The following CTNNA2 variants were observed in gnomAD, a reference collection of about 807,000 sequenced individuals.
CTNNA2 encodes the protein catenin alpha 2.
A neutral mutation model predicts 101.0 loss-of-function variants in CTNNA2; 42 were observed. That is an observed-to-expected ratio of 0.42 (90% CI 0.32 to 0.54). CTNNA2 has a LOEUF of 0.54. CTNNA2 is among the 20% of genes least tolerant of loss of function. The pLI is 0.14. For synonymous variants in CTNNA2, 450 were observed against 456.4 expected, an observed-to-expected ratio of 0.99 and a Z score of 0.18; for missense variants, 871 against 1,223.1, an observed-to-expected ratio of 0.71 and a Z score of 4.29.
At chr2:79,482,551 A>AT (rs1027853680) in intron 4 of CTNNA2, among the ~76,000 whole-genome samples, 9 of 151,032 alleles carry the variant, frequency 6.0e-5, no homozygotes, top group South Asian at 2.1e-4. Flanking sequence ...CTCAGGTTAA[A>AT]TTTTTTTTTT....
At chr2:80,587,823 A>G (rs796321498) in intron 14 of CTNNA2, among the ~76,000 whole-genome samples, 18 of 152,332 alleles carry the variant, frequency 1.2e-4, no homozygotes, top group African/African-American at 4.3e-4. Flanking sequence ...GGAAGTACCT[A>G]TTCACATTCC....
chr2:79,493,488 T>C (rs1183073025), intron 4 of CTNNA2, among the ~76,000 whole-genome samples: 1 of 152,082 alleles, frequency 6.6e-6, no homozygotes, highest in Admixed American at 6.6e-5. Flanking sequence ...TGGTGGCACA[T>C]GCCTGTAGTC....
chr2:80,022,899 G>T (rs888894454), intron 7 of CTNNA2, among the ~76,000 whole-genome samples: 2 of 152,166 alleles, frequency 1.3e-5, no homozygotes, highest in Non-Finnish European at 2.9e-5. Flanking sequence ...CCATCATTCA[G>T]ATCTGGGGTC....
At chr2:79,563,940 T>C (rs1474368926) in intron 1 of CTNNA2, among the ~76,000 whole-genome samples, 2 of 152,190 alleles carry the variant, frequency 1.3e-5, no homozygotes, top group African/African-American at 4.8e-5. Flanking sequence ...TGGTCATTGC[T>C]CTTTTCCATC....
In CTNNA2 at chr2:79,943,050, C is replaced by T. The variant is rs1688265991; in HGVS notation, c.1056+33253C>T. On this transcript the variant is annotated intron_variant, in intron 7 of 18. Transcript: ENST00000402739. ...TGGCCAATGTGTTGAAACCCCATCTCTGCTAAAAATAAAAAAATTAGCTGG... is the reference window on the plus strand; with the variant it reads ...TGGCCAATGTGTTGAAACCCCATCTTTGCTAAAAATAAAAAAATTAGCTGG... Among the ~76,000 whole-genome samples, 2 of 151,886 alleles carry T rather than the reference C, an allele frequency of 1.3e-5. 1 individual carries two copies. Among genetic ancestry groups the T allele is most frequent in the South Asian group, 4.1e-4 (2 of 4,820 alleles).
intron 7 of CTNNA2, among the ~76,000 whole-genome samples, chr2:80,188,914 C>T (rs1416113667): frequency 1.3e-5 from 2 of 149,688 alleles, no homozygotes; most frequent in East Asian, 3.9e-4. Context: ...CAAACTCTTT[C>T]CAACCTACTG....
At chr2:80,646,018 A>T (rs934769928) in intron 18 of CTNNA2, among the ~76,000 whole-genome samples, 2 of 152,188 alleles carry the variant, frequency 1.3e-5, no homozygotes, top group African/African-American at 4.8e-5. Flanking sequence ...AATAAGGGAT[A>T]TGGAACAAAA....
intron 9 of CTNNA2, among the ~76,000 whole-genome samples, chr2:80,495,981 A>G (rs1245239001): frequency 1.4e-5 from 2 of 147,940 alleles, no homozygotes; most frequent in African/African-American, 4.9e-5. Context: ...GGCCATTTGA[A>G]GACAGAGACA....
intron 4 of CTNNA2, among the ~76,000 whole-genome samples, chr2:79,425,458 A>G (rs1189380934): frequency 6.6e-6 from 1 of 152,168 alleles, no homozygotes; most frequent in Non-Finnish European, 1.5e-5. Flanking sequence ...GTCCAAGATT[A>G]TAGTACTGTC....
intron 3 of CTNNA2, among the ~76,000 whole-genome samples, chr2:79,338,578 A>ATTCTTCTTCTTCT (rs1677053514): frequency 8.5e-6 from 1 of 117,740 alleles, no homozygotes; most frequent in African/African-American, 3.3e-5. Flanking sequence ...CCTCCTCATC[A>ATTCTTCTTCTTCT]TCTTCTTCTT....
chr2:79,648,541 G>T (rs1004576268), intron 1 of CTNNA2, among the ~76,000 whole-genome samples: 4 of 152,128 alleles, frequency 2.6e-5, no homozygotes, highest in African/African-American at 9.7e-5. Context: ...CATGCAGGAT[G>T]GGAATACTTT....
At chr2:80,129,162 C>T (rs1354515202) in intron 7 of CTNNA2, among the ~76,000 whole-genome samples, 2 of 152,152 alleles carry the variant, frequency 1.3e-5, no homozygotes, top group African/African-American at 4.8e-5. Flanking sequence ...GACCATGATG[C>T]AAGCCTAACA....
At chr2:79,637,869 T>C (rs1473988481) in intron 1 of CTNNA2, among the ~76,000 whole-genome samples, 1 of 152,216 alleles carries the variant, frequency 6.6e-6, no homozygotes, top group Admixed American at 6.5e-5. Flanking sequence ...CAAGCTTTAG[T>C]TCTCTTATGG....
At chr2:79,282,518 T>A (rs1308270734) in intron 2 of CTNNA2, among the ~76,000 whole-genome samples, 1 of 151,772 alleles carries the variant, frequency 6.6e-6, no homozygotes, top group Non-Finnish European at 1.5e-5. Context: ...TCTGGTTTTT[T>A]GTTCTTGCGA....
At chr2:79,607,237 C>T (rs1054810972) in intron 1 of CTNNA2, among the ~76,000 whole-genome samples, 10 of 152,102 alleles carry the variant, frequency 6.6e-5, no homozygotes, top group African/African-American at 2.2e-4. Context: ...ATATGCACCT[C>T]ATAAAAAAGC....
At chr2:79,651,274 T>C (rs1681229232) in intron 1 of CTNNA2, among the ~76,000 whole-genome samples, 1 of 152,128 alleles carries the variant, frequency 6.6e-6, no homozygotes, top group Admixed American at 6.5e-5. Context: ...TGCATACTCA[T>C]TGTTGAGTAA....
rs563030013 is a variant in CTNNA2 at position 80,336,117 on chromosome 2, A to G, written c.1057-57094A>G. ...AGACTACCTTAGACTGGCTGACTTAAAAGCAAAAGAAATTTATTTCTCATG... is the reference window on the plus strand; with the variant it reads ...AGACTACCTTAGACTGGCTGACTTAGAAGCAAAAGAAATTTATTTCTCATG... On this transcript the variant is annotated intron_variant, in intron 7 of 18. Transcript: ENST00000402739. Among the ~76,000 whole-genome samples the G allele has an allele frequency of 3.9e-5, 6 of 152,332 alleles. No individual in the cohort carries two copies. In the South Asian group the frequency reaches 1.2e-3, roughly 32 times the overall value.
chr2:80,257,915 G>A (rs753600960), intron 7 of CTNNA2, among the ~76,000 whole-genome samples: 1 of 152,192 alleles, frequency 6.6e-6, no homozygotes, highest in Non-Finnish European at 1.5e-5. Flanking sequence ...GGCAAGACAA[G>A]CATCCCAAGA....
chr2:80,061,941 A>C (rs1558770802), intron 7 of CTNNA2, among the ~76,000 whole-genome samples: 1 of 152,342 alleles, frequency 6.6e-6, no homozygotes, highest in Middle Eastern at 3.4e-3. Flanking sequence ...AAGCAAAAAA[A>C]TGTAGAAAGA....
Sources: allele counts gnomAD v4.1 joint callset (sites outside exome capture counted in the v4.1 genomes callset), GRCh38; gene constraint gnomAD v4.1.1; transcripts MANE v1.5; gene names NCBI Gene and HGNC (gene_info 2026-07-23, HGNC 2026-07-21).